Variants in CCDC47 observed in about 807,000 individuals in gnomAD.
CCDC47 encodes coiled-coil domain containing 47, also known as PAT complex subunit CCDC47.
A neutral mutation model predicts 60.5 loss-of-function variants in CCDC47; 41 were observed. The observed-to-expected ratio is 0.68, with a 90% CI of 0.53 to 0.88. The LOEUF (loss-of-function observed/expected upper bound fraction) is 0.88, where lower values mean the gene tolerates loss of function less well. Ranked by LOEUF, CCDC47 falls within the 40% of genes least tolerant of loss-of-function variation. The pLI is 0.00. For synonymous variants in CCDC47, 195 were observed against 190.7 expected, an observed-to-expected ratio of 1.02 and a Z score of -0.18; for missense variants, 513 against 580.9, an observed-to-expected ratio of 0.88 and a Z score of 1.20.
chr17:63,752,617 A>G, intron 10 of CCDC47, 124 bp downstream of exon 10: 2 of 1,012,088 alleles, frequency 2.0e-6, no homozygotes. Flanking sequence ...TCTGGAAATC[A>G]GTAAGCAAGC....
chr17:63,753,823 T>C (rs1265397500), intron 9 of CCDC47, among the ~76,000 whole-genome samples: 1 of 152,112 alleles, frequency 6.6e-6, no homozygotes, highest in African/African-American at 2.4e-5. Context: ...AAAGAACCTA[T>C]GGACTGGGGC....
rs1477933621 is a variant in CCDC47 at position 63,746,976 on chromosome 17, G to C, written c.1372-15C>G. Reference sequence around the variant, plus strand: ...AATGCAGCCTCCTAGAGAAAGAAGGGGTAATAAATAGAGAAAGGGAGTGGG... The same window carrying C: ...AATGCAGCCTCCTAGAGAAAGAAGGCGTAATAAATAGAGAAAGGGAGTGGG... On this transcript the variant is annotated splice_polypyrimidine_tract_variant and intron_variant, in intron 12 of 12. Coordinates refer to ENST00000225726, the MANE Select transcript of CCDC47 (RefSeq NM_020198.3). 6.2e-7 allele frequency: 1 copy of C among 1,611,604 alleles called. No homozygotes were observed. Among genetic ancestry groups the C allele is most frequent in the Non-Finnish European group, 8.5e-7 (1 of 1,178,526 alleles).
chr17:63,766,217 A>T, intron 1 of CCDC47, 23 bp from the exon 2 acceptor site: 1 of 1,575,998 alleles, frequency 6.3e-7, no homozygotes, highest in Non-Finnish European at 8.6e-7. Context: ...GAGAACCCCA[A>T]AATGGATTGC....
intron 12 of CCDC47, among the ~76,000 whole-genome samples, chr17:63,751,364 T>C: frequency 6.1e-5 from 1 of 16,366 alleles, no homozygotes; most frequent in African/African-American, 1.7e-4. Context: ...AGACTCCATC[T>C]CAAAAAAAAA....
intron 2 of CCDC47, among the ~76,000 whole-genome samples, chr17:63,765,356 T>C (rs1022549420): frequency 5.3e-5 from 8 of 152,072 alleles, no homozygotes; most frequent in Non-Finnish European, 7.4e-5. Context: ...CTTTTTTTTT[T>C]TGGAGACAAG....
intron 9 of CCDC47, 62 bp downstream of exon 9, chr17:63,754,370 AG>A: frequency 1.0e-6 from 1 of 962,148 alleles, no homozygotes; most frequent in Non-Finnish European, 1.7e-6. Context: ...AGCACCTTAC[AG>A]GTGTTTCAAC....
Position 63,761,291 on chromosome 17 carries a change from T to C in CCDC47, c.608A>G (p.His203Arg). 2 of 1,614,054 alleles carry C rather than the reference T, an allele frequency of 1.2e-6. No individual in the cohort carries two copies. The highest frequency in any genetic ancestry group is 1.7e-6 in the Non-Finnish European group (2 of 1,179,962). The change falls in exon 5 of 13, where the codon CAC becomes CGC. Residue 203 changes from histidine (H) to arginine (R), a missense_variant. Physicochemically the swap from His to Arg is conservative, Grantham distance 29. Coordinates refer to ENST00000225726, the MANE Select transcript of CCDC47 (RefSeq NM_020198.3). Reference sequence around the variant, plus strand: ...ACCAGAACACCACAGGTTATAGATGTGCTCATTCTCCTGGTTCAACTTTCC... The same window carrying C: ...ACCAGAACACCACAGGTTATAGATGCGCTCATTCTCCTGGTTCAACTTTCC... ...STGKLNQENE[H>R]IYNLWCSGRV... is the part of the protein sequence containing the mutation.
At position 63,761,389 on chromosome 17, in the gene CCDC47, T is replaced by C. The variant is rs755614007; in HGVS notation, c.548-38A>G. The C allele has an allele frequency of 2.4e-5, 39 of 1,611,570 alleles. No individual in the cohort carries two copies. In the South Asian group the frequency reaches 2.5e-4, roughly 10 times the overall value. On this transcript the variant is annotated intron_variant, in intron 4 of 12. Transcript: ENST00000225726. ...CCACTTAATGTGACTCAACAGAAAA[T>C]GTCAAGGCCGGGCCGGGGGTGGTGG...
chr17:63,765,879 A>T, intron 2 of CCDC47, 33 bp downstream of exon 2: 8 of 1,581,908 alleles, frequency 5.1e-6, no homozygotes, highest in Admixed American at 1.9e-5. Context: ...CTAGTTACAA[A>T]TTTTTCCAAT....
intron 2 of CCDC47, 26 bp downstream of exon 2, chr17:63,765,886 C>T: frequency 6.3e-7 from 1 of 1,583,324 alleles, no homozygotes; most frequent in African/African-American, 1.4e-5. Context: ...CAAATTTTTC[C>T]AATAAATTAA....
chr17:63,767,923 A>G (rs2039308896), intron 1 of CCDC47, among the ~76,000 whole-genome samples: 1 of 152,116 alleles, frequency 6.6e-6, no homozygotes, highest in Non-Finnish European at 1.5e-5. Flanking sequence ...TTTGAAATCT[A>G]TCAGCCATCA....
chr17:63,766,149 A>G lies in CCDC47; in HGVS notation c.27T>C (p.Val9=). 1 of 1,613,932 alleles carries G rather than the reference A, an allele frequency of 6.2e-7. No individual in the cohort carries two copies. Among genetic ancestry groups the G allele is most frequent in the Non-Finnish European group, 8.5e-7 (1 of 1,179,954 alleles). Residue 9 remains valine (V), a synonymous_variant, in exon 2 of 13, where the codon GTT becomes GTC. Transcript: ENST00000225726. MKAFHTFC[V]VLLVFGSVSE... is the part of the protein sequence containing the mutation. ...AGACACTCCCAAACACCAGAAGGAC[A>G]ACACAGAAAGTGTGGAAGGCTTTCA...
At chr17:63,751,071 G>C (rs559707591) in intron 12 of CCDC47, among the ~76,000 whole-genome samples, 4 of 150,158 alleles carry the variant, frequency 2.7e-5, no homozygotes, top group East Asian at 2.0e-4. Flanking sequence ...GTAGAGACAA[G>C]GTCTCATGAT....
chr17:63,767,943 G>A (rs1176994213), intron 1 of CCDC47, among the ~76,000 whole-genome samples: 1 of 152,068 alleles, frequency 6.6e-6, no homozygotes, highest in Non-Finnish European at 1.5e-5. Flanking sequence ...AAATCCTGGT[G>A]TTTCCTTCTT....
chr17:63,759,507 AAATATATATATATATATATT>A (rs2039234135), intron 6 of CCDC47, among the ~76,000 whole-genome samples: 2 of 22,196 alleles, frequency 9.0e-5, no homozygotes, highest in Non-Finnish European at 1.3e-4. Flanking sequence ...AAAAAAAAAA[AAATATATATATATATATATT>A]TATATATATA....
chr17:63,751,753 CAG>C (rs2039167099), intron 12 of CCDC47, 185 bp downstream of exon 12: 1 of 668,768 alleles, frequency 1.5e-6, no homozygotes, highest in Non-Finnish European at 2.7e-6. Flanking sequence ...TTCACAGACT[CAG>C]TGTGGCACGG....
Position 63,746,887 on chromosome 17 carries a change from G to A in CCDC47, c.1446C>T (p.Ala482=), listed in dbSNP as rs757555739. 6.2e-7 allele frequency: 1 copy of A among 1,613,014 alleles called. No individual in the cohort carries two copies. The highest frequency in any genetic ancestry group is 8.5e-7 in the Non-Finnish European group (1 of 1,179,208). The change falls in exon 13 of 13, where the codon GCC becomes GCT. Residue 482 remains alanine, a synonymous_variant. Coordinates refer to ENST00000225726, the MANE Select transcript of CCDC47 (RefSeq NM_020198.3). ...TCAAATCTCTGGGATGGCTTTACAT[G>A]GCTTTCACTTTGATTTGTTTCATTT... ...QMKMKQIKVK[A]M is the part of the protein sequence containing the mutation.
intron 6 of CCDC47, among the ~76,000 whole-genome samples, chr17:63,757,855 G>T (rs1488873146): frequency 6.6e-6 from 1 of 152,034 alleles, no homozygotes; most frequent in Non-Finnish European, 1.5e-5. Context: ...TATTCTAATG[G>T]GGTGACTTAA....
chr17:63,762,576 A>T (rs1363541155), intron 4 of CCDC47, among the ~76,000 whole-genome samples: 2 of 152,236 alleles, frequency 1.3e-5, no homozygotes, highest in African/African-American at 2.4e-5. Flanking sequence ...ATACATGCTT[A>T]CTATTAAAGA....
Sources: allele counts gnomAD v4.1 joint callset (sites outside exome capture counted in the v4.1 genomes callset), GRCh38; gene constraint gnomAD v4.1.1; transcripts MANE v1.5; gene names NCBI Gene and HGNC (gene_info 2026-07-23, HGNC 2026-07-21).